The following COL27A1 variants were observed in gnomAD, a reference collection of about 807,000 sequenced individuals.
The protein encoded by COL27A1 is collagen alpha-1(XXVII) chain.
In COL27A1, 106 loss-of-function variants were observed where a neutral mutation model predicts 251.3. The observed-to-expected ratio is 0.42, with a 90% CI of 0.36 to 0.50. COL27A1 has a LOEUF of 0.50. COL27A1 is among the 20% of genes least tolerant of loss of function. The probability of loss-of-function intolerance (pLI) is 0.00; values close to 1 mark genes in which losing one functional copy is unlikely to be tolerated. For synonymous variants in COL27A1, 1,000 were observed against 986.3 expected (o/e 1.01, Z -0.26); for missense variants, 2,325 against 2,522.8 (o/e 0.92, Z 1.68).
intron 57 of COL27A1, 76 bp downstream of exon 57, chr9:114,304,749 A>C: frequency 7.6e-7 from 1 of 1,307,194 alleles, no homozygotes; most frequent in Admixed American, 1.7e-5. Flanking sequence ...ACATGTGGTC[A>C]GTGCCTTCCA....
intron 7 of COL27A1, among the ~76,000 whole-genome samples, chr9:114,199,387 C>A (rs898283203): frequency 5.9e-5 from 9 of 152,096 alleles, no homozygotes; most frequent in Admixed American, 2.0e-4. Context: ...GTTGAGAAAC[C>A]TTGCTGTATA....
chr9:114,235,079 CAAAAAAAAA>C (rs34337576), intron 16 of COL27A1, among the ~76,000 whole-genome samples: 1 of 88,270 alleles, frequency 1.1e-5, no homozygotes, highest in African/African-American at 4.9e-5. Flanking sequence ...GACTCCATCT[CAAAAAAAAA>C]AAAAAAAAAA....
rs778844878 is a variant in COL27A1, at chr9:114,162,739, A to C, written c.87A>C (p.Leu29Phe). The C allele has an allele frequency of 6.2e-7, 1 of 1,612,550 alleles. No individual in the cohort carries two copies. Among genetic ancestry groups the C allele is most frequent in the South Asian group, 1.1e-5 (1 of 90,992 alleles). ...GGGGGTTTCTCTTCTCCTGGATCTTAGTCTCGTTTGCCTGTCACCTGGCCT... is the reference window on the plus strand; with the variant it reads ...GGGGGTTTCTCTTCTCCTGGATCTTCGTCTCGTTTGCCTGTCACCTGGCCT... ...RGGGFLFSWI[L>F]VSFACHLAST... Residue 29 changes from leucine to phenylalanine, a missense_variant, in exon 2 of 61, where the codon TTA (leucine) becomes TTC (phenylalanine). This residue lies in a region of COL27A1 where 1,183 missense variants were observed against 1,144.1 expected (regional missense o/e 1.03). Transcript: ENST00000356083.
At chr9:114,243,613 A>C in intron 23 of COL27A1, 53 bp downstream of exon 23, 1 of 1,466,322 alleles carries the variant, frequency 6.8e-7, no homozygotes, top group Non-Finnish European at 9.4e-7. Context: ...GATCCTACAT[A>C]TCTGGGCCCC....
At chr9:114,258,061 A>G (rs1017972878) in intron 27 of COL27A1, among the ~76,000 whole-genome samples, 10 of 152,108 alleles carry the variant, frequency 6.6e-5, no homozygotes, top group African/African-American at 1.9e-4. Context: ...GCTGGGCATG[A>G]TGGTGCATGC....
rs758319652 is a variant in COL27A1 at position 114,265,087 on chromosome 9, C to T, written c.3316C>T (p.His1106Tyr). ...GQQGVAGERG[H>Y]LGSRGFPGIP... ...CCAGGGTGTGGCTGGTGAGCGAGGCCACTTGGGCTCGAGAGGCTTTCCTGT... is the reference window on the plus strand; with the variant it reads ...CCAGGGTGTGGCTGGTGAGCGAGGCTACTTGGGCTCGAGAGGCTTTCCTGT... The change falls in exon 31 of 61, where the codon CAC becomes TAC. Residue 1106 changes from histidine to tyrosine, a missense_variant. His to Tyr is a moderately conservative substitution (Grantham distance 83). Coordinates refer to ENST00000356083, the MANE Select transcript of COL27A1 (RefSeq NM_032888.4). 1.2e-5 allele frequency: 19 copies of T among 1,612,634 alleles called. No homozygotes were observed. Among genetic ancestry groups the T allele is most frequent in the Non-Finnish European group, 1.4e-5 (17 of 1,179,812 alleles).
chr9:114,155,530 A>G (rs546134276), upstream of COL27A1: 3 of 151,908 alleles, frequency 2.0e-5, no homozygotes, highest in East Asian at 3.9e-4. The surrounding 1 kb of genome is among the most constrained non-coding windows in gnomAD (Gnocchi z 5.5). Context: ...ATTTCCCCCA[A>G]ATCCTTCCTT....
rs536118096 is a variant in COL27A1 at position 114,178,297 on chromosome 9, C to G, written c.1915C>G (p.Pro639Ala). 1.9e-5 allele frequency: 30 copies of G among 1,613,482 alleles called. 1 individual carries two copies. In the South Asian group the frequency reaches 1.9e-4, roughly 10 times the overall value. Reference protein sequence around the residue: ...PKGDCGLPGPPGLPGLPGIPG... With the variant: ...PKGDCGLPGPAGLPGLPGIPG... ...CTTCTTGTTTTCTCCTCAGGGTCCC[C>G]CTGGGCTACCTGGGCTACCTGGAAT... The change falls in exon 4 of 61, where the codon CCT (proline) becomes GCT (alanine). Residue 639 changes from proline to alanine, a missense_variant. By Grantham distance (27) the Pro-to-Ala change is conservative (BLOSUM62 -1). Transcript: ENST00000356083.
chr9:114,302,730 A>AC lies in COL27A1; in HGVS notation c.4872+622_4872+623insC, dbSNP rs1327490713. 1.7e-4 allele frequency among the ~76,000 whole-genome samples: 18 copies of AC among 108,586 alleles called. 1 individual carries two copies. The South Asian group carries it at 1.7e-3, about 11-fold the overall frequency. The allele number at this position is 108,586 out of a possible 152,430, so 71.2% of individuals were successfully genotyped here. On this transcript the variant is annotated intron_variant, in intron 56 of 60. Transcript: ENST00000356083. ...CTCAAAAAGAAACAAAAAAAACAAA[A>AC]AAAAAAAAAAACAAAGAGAGTCGGG... is the stretch of plus-strand genomic sequence containing the variant.
At chr9:114,281,842 G>A (rs963736432) in intron 37 of COL27A1, among the ~76,000 whole-genome samples, 3 of 152,164 alleles carry the variant, frequency 2.0e-5, no homozygotes, top group Non-Finnish European at 4.4e-5. Flanking sequence ...AACTGGAAGC[G>A]GGTCTCATTG....
chr9:114,220,389 G>T (rs1055324485), intron 13 of COL27A1, among the ~76,000 whole-genome samples: 1 of 152,176 alleles, frequency 6.6e-6, no homozygotes, highest in Non-Finnish European at 1.5e-5. Context: ...TCCAGGCCCT[G>T]GTGGGAGAAG....
intron 34 of COL27A1, 77 bp from the exon 35 acceptor site, chr9:114,269,164 G>C: frequency 1.0e-6 from 1 of 983,772 alleles, no homozygotes; most frequent in Non-Finnish European, 1.5e-6. Flanking sequence ...AGTCAGAGCT[G>C]GTGGAAACAG....
At chr9:114,299,845 G>A (rs1275854099) in intron 49 of COL27A1, among the ~76,000 whole-genome samples, 2 of 152,206 alleles carry the variant, frequency 1.3e-5, no homozygotes, top group African/African-American at 4.8e-5. Context: ...CCCTGAGCCG[G>A]GCTCCTCTTT....
rs75905338 is a variant in COL27A1, at chr9:114,225,416, T to A, written c.2466+3149T>A. The stretch of plus-strand genomic sequence containing the variant: ...CACTTTCAGCCTCCTTCCTCAGTTT[T>A]TAGATTCTTTTCACTGCCAAGATGA... On this transcript the variant is annotated intron_variant, in intron 14 of 60. Transcript: ENST00000356083. Among the ~76,000 whole-genome samples the A allele has an allele frequency of 8.2e-3, 1,247 of 152,348 alleles. 21 individuals are homozygous for A. Among genetic ancestry groups the A allele is most frequent in the African/African-American group, 0.029 (1,196 of 41,576 alleles).
intron 3 of COL27A1, among the ~76,000 whole-genome samples, chr9:114,177,486 C>T (rs1273461332): frequency 6.6e-6 from 1 of 152,070 alleles, no homozygotes; most frequent in Admixed American, 6.5e-5. Context: ...GGGCTGCTGC[C>T]GGTTCTTGGG....
At chr9:114,201,781 T>C (rs2567714) in intron 7 of COL27A1, among the ~76,000 whole-genome samples, 100,298 of 152,070 alleles carry the variant, frequency 0.66, 34,457 homozygotes, top group Non-Finnish European at 0.75. Context: ...AATGCTGCAA[T>C]GATGTGAAGC....
At chr9:114,257,992 G>C (rs892682778) in intron 27 of COL27A1, among the ~76,000 whole-genome samples, 3 of 152,114 alleles carry the variant, frequency 2.0e-5, no homozygotes, top group Non-Finnish European at 4.4e-5. Flanking sequence ...GAGCCTAGGA[G>C]TTTGAGATCA....
chr9:114,242,009 T>C (rs1309808936), intron 21 of COL27A1, among the ~76,000 whole-genome samples, 178 bp from the exon 22 acceptor site: 1 of 152,240 alleles, frequency 6.6e-6, no homozygotes, highest in African/African-American at 2.4e-5. Flanking sequence ...CTCTAGGCCA[T>C]GGCCAGTGGA....
At chr9:114,228,069 C>T (rs749483229) in intron 14 of COL27A1, among the ~76,000 whole-genome samples, 5 of 152,162 alleles carry the variant, frequency 3.3e-5, no homozygotes, top group African/African-American at 4.8e-5. Flanking sequence ...TGGGGTTGCC[C>T]ATGCCCATGG....
Sources: allele counts gnomAD v4.1 joint callset (sites outside exome capture counted in the v4.1 genomes callset), GRCh38; gene constraint gnomAD v4.1.1; regional missense constraint gnomAD v4.1.1; non-coding constraint Gnocchi (gnomAD v3.1); transcripts MANE v1.5; gene names NCBI Gene and HGNC (gene_info 2026-07-23, HGNC 2026-07-21).